Variants in KCNB2 observed in about 807,000 individuals in gnomAD.
The protein encoded by KCNB2 is delayed rectifier potassium channel protein.
A neutral mutation model predicts 61.5 loss-of-function variants in KCNB2; 15 were observed. That is an observed-to-expected ratio of 0.24 (90% CI 0.16 to 0.38). The LOEUF (loss-of-function observed/expected upper bound fraction) is 0.38. Among genes scored for constraint, KCNB2 ranks in the 10% least tolerant of loss-of-function variants. The pLI is 1.00. For missense variants in KCNB2, 828 were observed against 1,125.2 expected (o/e 0.74, Z 3.78); for synonymous variants, 457 against 446.0 (o/e 1.02, Z -0.31).
chr8:72,653,351 GTTC>G (rs1343933606), intron 2 of KCNB2, among the ~76,000 whole-genome samples: 1 of 151,962 alleles, frequency 6.6e-6, no homozygotes, highest in African/African-American at 2.4e-5. Context: ...TTTATCCCAG[GTTC>G]TTCTCAAGGA....
chr8:72,738,603 A>G (rs1399440673), intron 2 of KCNB2, among the ~76,000 whole-genome samples: 1 of 152,198 alleles, frequency 6.6e-6, no homozygotes, highest in Non-Finnish European at 1.5e-5. Context: ...AGCCACATAA[A>G]GCCCTTGATG....
chr8:72,733,586 A>G (rs1346272928), intron 2 of KCNB2, among the ~76,000 whole-genome samples: 1 of 152,212 alleles, frequency 6.6e-6, no homozygotes, highest in Non-Finnish European at 1.5e-5. Flanking sequence ...TAGGACTGTC[A>G]GCAGACTCAA....
intron 2 of KCNB2, among the ~76,000 whole-genome samples, chr8:72,680,569 C>T (rs915391966): frequency 1.3e-5 from 2 of 152,020 alleles, no homozygotes; most frequent in African/African-American, 4.8e-5. Context: ...TGAGGCTGTC[C>T]CATAGTCCAG....
At chr8:72,537,980 T>C (rs1806140137) in intron 1 of KCNB2, 95 bp downstream of exon 1, 1 of 152,076 alleles carries the variant, frequency 6.6e-6, no homozygotes, top group Non-Finnish European at 1.5e-5. Context: ...GCTAAAGGAA[T>C]TGGAAACTGC....
intron 2 of KCNB2, among the ~76,000 whole-genome samples, chr8:72,568,807 A>G (rs1806666618): frequency 6.8e-6 from 1 of 146,562 alleles, no homozygotes; most frequent in Admixed American, 7.0e-5. Flanking sequence ...TGCCACACAC[A>G]TGAGGAAGGG....
intron 2 of KCNB2, among the ~76,000 whole-genome samples, chr8:72,918,638 G>C (rs1252986824): frequency 6.6e-6 from 1 of 152,046 alleles, no homozygotes; most frequent in Non-Finnish European, 1.5e-5. Flanking sequence ...AATGAATTTT[G>C]TATATTTTAT....
intron 2 of KCNB2, among the ~76,000 whole-genome samples, chr8:72,897,800 A>G (rs114035194): frequency 0.01 from 1,573 of 152,296 alleles, 31 homozygotes; most frequent in African/African-American, 0.036. Context: ...GGAAATCAAT[A>G]TAAATTCTCA....
At chr8:72,901,617 C>T (rs532992291) in intron 2 of KCNB2, among the ~76,000 whole-genome samples, 52 of 152,198 alleles carry the variant, frequency 3.4e-4, no homozygotes, top group Middle Eastern at 3.4e-3. Flanking sequence ...AGTTTATGGT[C>T]CTGAAAAACA....
intron 2 of KCNB2, among the ~76,000 whole-genome samples, chr8:72,642,533 T>G (rs1806073090): frequency 6.6e-6 from 1 of 152,052 alleles, no homozygotes; most frequent in African/African-American, 2.4e-5. Context: ...CTTACATGAC[T>G]GGGTTCATAA....
chr8:72,796,490 C>T (rs1809031982), intron 2 of KCNB2, among the ~76,000 whole-genome samples: 1 of 152,074 alleles, frequency 6.6e-6, no homozygotes, highest in Admixed American at 6.6e-5. Flanking sequence ...ATCATTATTT[C>T]TGTGACTTTT....
chr8:72,790,636 C>T (rs1461700281), intron 2 of KCNB2, among the ~76,000 whole-genome samples: 1 of 152,052 alleles, frequency 6.6e-6, no homozygotes, highest in Non-Finnish European at 1.5e-5. Flanking sequence ...GGAAGCAGGA[C>T]CCAGAGAGAA....
chr8:72,888,265 G>A (rs533504685), intron 2 of KCNB2, among the ~76,000 whole-genome samples: 1 of 152,058 alleles, frequency 6.6e-6, no homozygotes, highest in African/African-American at 2.4e-5. Flanking sequence ...CCACACCCTG[G>A]GTTAATTTTT....
At chr8:72,658,109 T>G (rs143780095) in intron 2 of KCNB2, among the ~76,000 whole-genome samples, 28 of 152,234 alleles carry the variant, frequency 1.8e-4, no homozygotes, top group African/African-American at 5.8e-4. Flanking sequence ...AAACTAGAAA[T>G]GATTAAGCTT....
chr8:72,579,119 C>A (rs1031940626), intron 2 of KCNB2, among the ~76,000 whole-genome samples: 1 of 152,150 alleles, frequency 6.6e-6, no homozygotes, highest in African/African-American at 2.4e-5. Flanking sequence ...TGAGGAGGTT[C>A]TGTTAATCTC....
intron 2 of KCNB2, among the ~76,000 whole-genome samples, chr8:72,814,606 T>A (rs1006121739): frequency 3.3e-5 from 5 of 152,096 alleles, no homozygotes; most frequent in East Asian, 1.9e-4. Context: ...AATAATTTTT[T>A]AAAAAAAGAA....
intron 2 of KCNB2, among the ~76,000 whole-genome samples, chr8:72,798,634 A>T (rs1809070574): frequency 6.6e-6 from 1 of 151,996 alleles, no homozygotes; most frequent in Non-Finnish European, 1.5e-5. Flanking sequence ...GTGGGAGAAA[A>T]CTTCCCCTGG....
chr8:72,823,212 T>A (rs1191053174), intron 2 of KCNB2, among the ~76,000 whole-genome samples: 3 of 152,156 alleles, frequency 2.0e-5, no homozygotes, highest in Non-Finnish European at 4.4e-5. Context: ...TTGCTAAGCA[T>A]TTATGACCCA....
intron 2 of KCNB2, among the ~76,000 whole-genome samples, chr8:72,933,216 G>T (rs993843743): frequency 2.0e-5 from 3 of 152,096 alleles, no homozygotes; most frequent in Non-Finnish European, 2.9e-5. Context: ...GTTAAGCTGT[G>T]GTCAACTAGA....
rs573947120 is a variant in KCNB2, at chr8:72,846,234, C to T, written c.580-89701C>T. Among the ~76,000 whole-genome samples, 11 of 152,254 alleles carry T rather than the reference C, an allele frequency of 7.2e-5. No individual in the cohort carries two copies. In the East Asian group the frequency reaches 1.4e-3, roughly 19 times the overall value. ...CACCCCTTGTGCTTCCCAGGTAAGG[C>T]GACACCCCACCCTGCTTTGGCTCAC... On this transcript the variant is annotated intron_variant, in intron 2 of 2. Coordinates refer to ENST00000523207, the MANE Select transcript of KCNB2 (RefSeq NM_004770.3).
Sources: allele counts gnomAD v4.1 joint callset (sites outside exome capture counted in the v4.1 genomes callset), GRCh38; gene constraint gnomAD v4.1.1; transcripts MANE v1.5; gene names NCBI Gene and HGNC (gene_info 2026-07-23, HGNC 2026-07-21).